Variants in TAFA4 observed in about 807,000 individuals in gnomAD.
TAFA4 encodes chemokine-like protein TAFA-4.
In TAFA4, 20 loss-of-function variants were observed where a neutral mutation model predicts 21.1. The ratio of observed to expected loss-of-function variants is 0.95; its 90% CI spans 0.67 to 1.38. The LOEUF (loss-of-function observed/expected upper bound fraction) is 1.38. Among genes scored for constraint, TAFA4 ranks in the 40% most tolerant of loss-of-function variants. The probability of loss-of-function intolerance (pLI) is 0.00; values close to 1 mark genes in which losing one functional copy is unlikely to be tolerated. For missense variants in TAFA4, 211 were observed against 180.9 expected (o/e 1.17, Z -0.95); for synonymous variants, 71 against 67.4 (o/e 1.05, Z -0.26).
At position 68,888,743 on chromosome 3, in the gene TAFA4, G is replaced by C. The variant is rs116595740; in HGVS notation, c.-122-3433C>G. ...GGAAGGGAAAGAGTGCTCAAGAGAG[G>C]GAGAAAGGGCTGAACTTGCTTGTAT... On this transcript the variant is annotated intron_variant, in intron 1 of 5. Coordinates refer to ENST00000295569, the MANE Select transcript of TAFA4 (RefSeq NM_182522.5). Among the ~76,000 whole-genome samples, 1,066 of 150,514 alleles carry C rather than the reference G, an allele frequency of 7.1e-3. 7 individuals are homozygous for C. The highest frequency in any genetic ancestry group is 0.025 in the African/African-American group (1,023 of 40,964).
intron 3 of TAFA4, among the ~76,000 whole-genome samples, chr3:68,782,974 T>G (rs1293699546): frequency 6.6e-6 from 1 of 152,248 alleles, no homozygotes; most frequent in Non-Finnish European, 1.5e-5. Context: ...AAGTAAGGTT[T>G]ATCCAAGGAA....
intron 3 of TAFA4, among the ~76,000 whole-genome samples, chr3:68,786,989 C>G (rs558834036): frequency 5.3e-5 from 8 of 152,210 alleles, no homozygotes; most frequent in Non-Finnish European, 1.0e-4. Flanking sequence ...AAAAAATATA[C>G]AAAGCTCATG....
At chr3:68,898,909 G>GA (rs2089818478) in intron 1 of TAFA4, among the ~76,000 whole-genome samples, 3 of 152,032 alleles carry the variant, frequency 2.0e-5, no homozygotes, top group Admixed American at 6.6e-5. Flanking sequence ...GTGTCGACCA[G>GA]AAAAAAAGCT....
intron 4 of TAFA4, among the ~76,000 whole-genome samples, chr3:68,740,888 T>C (rs952911506): frequency 6.6e-6 from 1 of 152,208 alleles, no homozygotes; most frequent in Non-Finnish European, 1.5e-5. Context: ...CCCAGCACCC[T>C]TTATTGAAGA....
At chr3:68,798,571 C>A (rs989539211) in intron 3 of TAFA4, among the ~76,000 whole-genome samples, 1 of 152,118 alleles carries the variant, frequency 6.6e-6, no homozygotes, top group African/African-American at 2.4e-5. Flanking sequence ...GGACATTGCT[C>A]ATTTGGGGTA....
chr3:68,804,347 T>C (rs1162259215), intron 3 of TAFA4, among the ~76,000 whole-genome samples: 1 of 151,882 alleles, frequency 6.6e-6, no homozygotes, highest in African/African-American at 2.4e-5. Flanking sequence ...GCAGGAAAAA[T>C]CAACATCGTG....
At chr3:68,850,207 A>G (rs949861385) in intron 3 of TAFA4, among the ~76,000 whole-genome samples, 6 of 152,264 alleles carry the variant, frequency 3.9e-5, no homozygotes, top group Admixed American at 2.0e-4. Flanking sequence ...CAACAGTAAT[A>G]TTGCCTAAGG....
intron 1 of TAFA4, among the ~76,000 whole-genome samples, chr3:68,911,202 G>T (rs1369124934): frequency 6.6e-6 from 1 of 152,200 alleles, no homozygotes; most frequent in Non-Finnish European, 1.5e-5. Flanking sequence ...GAACTGTAAA[G>T]ATGAATCCTC....
chr3:68,774,411 T>C (rs920333121), intron 3 of TAFA4, among the ~76,000 whole-genome samples: 1 of 152,090 alleles, frequency 6.6e-6, no homozygotes, highest in Non-Finnish European at 1.5e-5. Flanking sequence ...AGACCATGAA[T>C]ACAGAGGCAC....
intron 3 of TAFA4, among the ~76,000 whole-genome samples, chr3:68,793,116 A>T (rs914904963): frequency 6.6e-6 from 1 of 152,128 alleles, no homozygotes; most frequent in African/African-American, 2.4e-5. Flanking sequence ...TAGGCAGTTA[A>T]TCACTCTCTG....
chr3:68,835,864 T>C (rs577017908), intron 3 of TAFA4, among the ~76,000 whole-genome samples: 1 of 152,334 alleles, frequency 6.6e-6, no homozygotes, highest in African/African-American at 2.4e-5. Context: ...TCTAGATAAT[T>C]TCACTTCAGG....
chr3:68,746,876 T>C (rs777926798), intron 4 of TAFA4, among the ~76,000 whole-genome samples: 8 of 152,358 alleles, frequency 5.3e-5, no homozygotes, highest in Non-Finnish European at 1.2e-4. Flanking sequence ...CTCAGTGTCA[T>C]TGACATTTGG....
chr3:68,737,337 C>G (rs1017220319), intron 5 of TAFA4, among the ~76,000 whole-genome samples: 6 of 152,092 alleles, frequency 3.9e-5, no homozygotes, highest in Admixed American at 6.6e-5. Flanking sequence ...GTCTATATAG[C>G]ATGGAAATTT....
intron 3 of TAFA4, among the ~76,000 whole-genome samples, chr3:68,804,398 C>A (rs1358697630): frequency 6.6e-6 from 1 of 152,118 alleles, no homozygotes. Flanking sequence ...AGATTCAATG[C>A]CATCCCCATC....
intron 1 of TAFA4, among the ~76,000 whole-genome samples, chr3:68,910,228 T>C (rs763009935): frequency 2.6e-5 from 4 of 152,230 alleles, no homozygotes; most frequent in Non-Finnish European, 5.9e-5. Flanking sequence ...GTTCCACCCA[T>C]CTCAAGGGGA....
intron 3 of TAFA4, among the ~76,000 whole-genome samples, chr3:68,841,706 C>A (rs1704669674): frequency 6.6e-6 from 1 of 152,072 alleles, no homozygotes; most frequent in African/African-American, 2.4e-5. Flanking sequence ...ACCCCCCAAC[C>A]CCCTGACAGG....
At chr3:68,880,279 C>T (rs767572305) in intron 3 of TAFA4, among the ~76,000 whole-genome samples, 1 of 152,158 alleles carries the variant, frequency 6.6e-6, no homozygotes, top group Non-Finnish European at 1.5e-5. Context: ...ATTTTCTCCA[C>T]ATCTCTCAAA....
intron 1 of TAFA4, among the ~76,000 whole-genome samples, chr3:68,919,631 A>T (rs1434459256): frequency 6.6e-6 from 1 of 152,226 alleles, no homozygotes; most frequent in African/African-American, 2.4e-5. Context: ...CACATTAACC[A>T]CATTTCAAGT....
intron 3 of TAFA4, among the ~76,000 whole-genome samples, chr3:68,865,529 A>T (rs940038822): frequency 6.6e-6 from 1 of 152,096 alleles, no homozygotes; most frequent in African/African-American, 2.4e-5. Flanking sequence ...CATGTAAAAC[A>T]TGCCTTTTCT....
Sources: allele counts gnomAD v4.1 joint callset (sites outside exome capture counted in the v4.1 genomes callset), GRCh38; gene constraint gnomAD v4.1.1; transcripts MANE v1.5; gene names NCBI Gene and HGNC (gene_info 2026-07-23, HGNC 2026-07-21).